HERC2: variants seen among roughly 807,000 people sequenced by gnomAD.
HERC2 encodes HECT and RLD domain containing E3 ubiquitin protein ligase 2, also known as E3 ubiquitin-protein ligase HERC2.
HERC2 carries 102 observed loss-of-function variants against 537.7 expected under a neutral mutation model. The observed-to-expected ratio is 0.19, with a 90% CI of 0.16 to 0.22. HERC2 has a LOEUF of 0.22. Among genes scored for constraint, HERC2 ranks in the 10% least tolerant of loss-of-function variants. HERC2 has a pLI of 1.00. For synonymous variants in HERC2, 2,224 were observed against 2,466.2 expected, an observed-to-expected ratio of 0.90 and a Z score of 2.91; for missense variants, 4,236 against 6,198.2, an observed-to-expected ratio of 0.68 and a Z score of 10.63.
intron 81 of HERC2, among the ~76,000 whole-genome samples, chr15:28,130,810 C>T (rs1890032125): frequency 2.0e-5 from 3 of 152,206 alleles, no homozygotes; most frequent in Admixed American, 1.3e-4. Context: ...CACACTGTGG[C>T]CCGGTGGGAC....
intron 16 of HERC2, 73 bp from the exon 17 acceptor site, chr15:28,257,334 C>A (rs570593114): frequency 5.4e-6 from 7 of 1,304,216 alleles, no homozygotes; most frequent in African/African-American, 1.4e-5. Context: ...GAGTCACCAG[C>A]GTGTGTGATG....
chr15:28,183,982 G>C (rs1055279575), intron 56 of HERC2, among the ~76,000 whole-genome samples: 3 of 152,086 alleles, frequency 2.0e-5, no homozygotes, highest in African/African-American at 7.2e-5. Context: ...GAGCCCAGGA[G>C]TTGGAGACCA....
chr15:28,233,210 T>G lies in HERC2; in HGVS notation c.4611A>C (p.Leu1537Phe), dbSNP rs530669539. Reference protein sequence around the residue: ...DLSIMSKFKLLSSLPRWRRIA... With the variant: ...DLSIMSKFKLFSSLPRWRRIA... Reference sequence around the variant, plus strand: ...TCCTCCTCCAACGGGGCAAAGAACTTAACAATTTAAACTTAGACATTATAG... The same window carrying G: ...TCCTCCTCCAACGGGGCAAAGAACTGAACAATTTAAACTTAGACATTATAG... Residue 1537 changes from leucine to phenylalanine, a missense_variant, in exon 30 of 93, where the codon TTA becomes TTC. Leu to Phe is a conservative substitution (Grantham distance 22, BLOSUM62 0). This residue lies in a region of HERC2 where 343 missense variants were observed against 417.2 expected (regional missense o/e 0.82). Transcript: ENST00000261609. 159 of 1,611,280 alleles carry G rather than the reference T, an allele frequency of 9.9e-5. No homozygotes were observed. Among genetic ancestry groups the G allele is most frequent in the Admixed American group, 2.8e-4 (17 of 59,980 alleles).
chr15:28,179,109 T>C (rs1256947384), intron 58 of HERC2, 33 bp downstream of exon 58: 1 of 1,600,496 alleles, frequency 6.2e-7, no homozygotes, highest in African/African-American at 1.4e-5. Context: ...CCAAGCATAA[T>C]TTAAAAATTT....
At chr15:28,255,586 G>C (rs1010396522) in intron 19 of HERC2, among the ~76,000 whole-genome samples, 1 of 152,180 alleles carries the variant, frequency 6.6e-6, no homozygotes, top group African/African-American at 2.4e-5. Flanking sequence ...TATCCTGGCT[G>C]CAAGTGCCAA....
intron 64 of HERC2, 28 bp downstream of exon 64, chr15:28,175,484 G>A (rs761962758): frequency 8.2e-6 from 13 of 1,590,188 alleles, no homozygotes; most frequent in East Asian, 2.3e-5. Flanking sequence ...AGGATGGCAC[G>A]CCACCCCCAG....
At chr15:28,270,266 TAGAC>T (rs894150854) in intron 10 of HERC2, among the ~76,000 whole-genome samples, 125 of 149,420 alleles carry the variant, frequency 8.4e-4, no homozygotes, top group Middle Eastern at 3.5e-3. Context: ...GATAGATAGA[TAGAC>T]AGACAGACAG....
chr15:28,317,682 G>C (rs1297811964), intron 2 of HERC2, among the ~76,000 whole-genome samples: 7 of 152,208 alleles, frequency 4.6e-5, no homozygotes, highest in South Asian at 2.1e-4. Context: ...AGACATCTTT[G>C]TAGTGATGAA....
chr15:28,293,361 C>T (rs1250895092), intron 3 of HERC2, among the ~76,000 whole-genome samples: 2 of 151,820 alleles, frequency 1.3e-5, no homozygotes, highest in African/African-American at 2.4e-5. Context: ...GCCGTGGTGG[C>T]GGGCGCCTGT....
intron 23 of HERC2, among the ~76,000 whole-genome samples, chr15:28,242,868 T>C (rs1596310481): frequency 1.3e-5 from 2 of 152,308 alleles, no homozygotes; most frequent in Non-Finnish European, 2.9e-5. Flanking sequence ...TAGTTAAAAC[T>C]GCATCACAAA....
At position 28,265,741 on chromosome 15, in the gene HERC2, G is replaced by A. The variant is rs771186883; in HGVS notation, c.1757-10C>T. The A allele has an allele frequency of 6.2e-7, 1 of 1,613,922 alleles. No individual in the cohort carries two copies. The highest frequency in any genetic ancestry group is 1.7e-5 in the Admixed American group (1 of 60,010). ...TCGTCCTCACTGGAGCCTTCAAACA[G>A]ATAGGACGGCGGTTACTAAGTCCTG... On this transcript the variant is annotated splice_polypyrimidine_tract_variant and intron_variant, in intron 13 of 92. Coordinates refer to ENST00000261609, the MANE Select transcript of HERC2 (RefSeq NM_004667.6). This position sits in a 1 kb window ranked among gnomAD's most constrained non-coding sequence, Gnocchi z 4.0.
intron 88 of HERC2, among the ~76,000 whole-genome samples, chr15:28,115,883 T>C (rs1888180125): frequency 6.6e-6 from 1 of 152,226 alleles, no homozygotes; most frequent in South Asian, 2.1e-4. Context: ...AGGTGCTGGC[T>C]GTGGTGGGAC....
rs573531710 is a variant in HERC2 at position 28,258,474 on chromosome 15, A to AAAT, written c.2317-1216_2317-1214dup. 7.7e-3 allele frequency among the ~76,000 whole-genome samples: 1,177 copies of AAAT among 152,132 alleles called. 9 individuals carry two copies. Among genetic ancestry groups the AAAT allele is most frequent in the African/African-American group, 0.027 (1,120 of 41,508 alleles). On this transcript the variant is annotated intron_variant, in intron 16 of 92. Transcript: ENST00000261609. ...GCAATAAGACCAAAACTCCATCTCA[A>AAAT]AATAATAATAATAATAATCATCCAT...
intron 7 of HERC2, 38 bp downstream of exon 7, chr15:28,274,253 C>T (rs1361605667): frequency 4.4e-6 from 7 of 1,608,722 alleles, no homozygotes; most frequent in Non-Finnish European, 6.0e-6. Context: ...AGCAGGCCAG[C>T]TGTCTGCGTG....
chr15:28,133,983 A>AT (rs1285634826), intron 79 of HERC2, among the ~76,000 whole-genome samples: 1 of 152,208 alleles, frequency 6.6e-6, no homozygotes, highest in Non-Finnish European at 1.5e-5. Context: ...CTGCATCTCC[A>AT]TATACATTTT....
intron 20 of HERC2, 151 bp from the exon 21 acceptor site, chr15:28,248,887 T>C (rs773945397): frequency 6.8e-5 from 44 of 645,548 alleles, no homozygotes; most frequent in Non-Finnish European, 9.8e-5. Context: ...GTGTCCAATG[T>C]ATCTGCAACA....
At position 28,310,419 on chromosome 15, in the gene HERC2, T is replaced by C. The variant is rs367686298; in HGVS notation, c.73-10903A>G. Among the ~76,000 whole-genome samples, 9 of 152,164 alleles carry C rather than the reference T, an allele frequency of 5.9e-5. No homozygotes were observed. The East Asian group carries it at 1.5e-3, about 26-fold the overall frequency. On this transcript the variant is annotated intron_variant, in intron 2 of 92. Transcript: ENST00000261609. The stretch of plus-strand genomic sequence containing the variant: ...GAGATCACTCCACTGTACTCCAGCC[T>C]GGGCAATAGAGCAAGACCCTATCAA...
chr15:28,117,785 T>C (rs944898439), intron 86 of HERC2: 7 of 353,380 alleles, frequency 2.0e-5, no homozygotes, highest in Admixed American at 7.6e-5. Context: ...TAAGCTACAA[T>C]TGCTAAAGGC....
chr15:28,268,461 A>G lies in HERC2; in HGVS notation c.1598+4T>C, dbSNP rs2075631007. On this transcript the variant is annotated splice_donor_region_variant and intron_variant, in intron 12 of 92. Coordinates refer to ENST00000261609, the MANE Select transcript of HERC2 (RefSeq NM_004667.6). The surrounding 1 kb of genome is among the most constrained non-coding windows in gnomAD (Gnocchi z 4.7). ...TGTCCCCTACAGGAATAAGCGATACATACACAGTGTCCCCATGGCCCAGCC... is the reference window on the plus strand; with the variant it reads ...TGTCCCCTACAGGAATAAGCGATACGTACACAGTGTCCCCATGGCCCAGCC... 6.2e-7 allele frequency: 1 copy of G among 1,613,406 alleles called. No individual in the cohort carries two copies. Among genetic ancestry groups the G allele is most frequent in the Non-Finnish European group, 8.5e-7 (1 of 1,179,580 alleles).
Sources: allele counts gnomAD v4.1 joint callset (sites outside exome capture counted in the v4.1 genomes callset), GRCh38; gene constraint gnomAD v4.1.1; regional missense constraint gnomAD v4.1.1; non-coding constraint Gnocchi (gnomAD v3.1); transcripts MANE v1.5; gene names NCBI Gene and HGNC (gene_info 2026-07-23, HGNC 2026-07-21).